FBRSL1: variants seen among roughly 807,000 people sequenced by gnomAD.
FBRSL1 encodes the protein fibrosin like 1.
In FBRSL1, 51 loss-of-function variants were observed where a neutral mutation model predicts 89.6. That is an observed-to-expected ratio of 0.57 (90% CI 0.45 to 0.72). The LOEUF (loss-of-function observed/expected upper bound fraction) is 0.72, where lower values mean the gene tolerates loss of function less well. Among genes scored for constraint, FBRSL1 ranks in the 30% least tolerant of loss-of-function variants. The pLI, the probability that FBRSL1 is intolerant of heterozygous loss-of-function variation, is 0.00. For missense variants in FBRSL1, 1,618 were observed against 1,451.8 expected, an observed-to-expected ratio of 1.11 and a Z score of -1.86; for synonymous variants, 779 against 681.1, an observed-to-expected ratio of 1.14 and a Z score of -2.24.
In FBRSL1 at chr12:132,572,657, C is replaced by T. The variant is rs998664535; in HGVS notation, c.1530+35C>T. 80 of 1,454,310 alleles carry T rather than the reference C, an allele frequency of 5.5e-5. No individual in the cohort carries two copies. Among genetic ancestry groups the T allele is most frequent in the Non-Finnish European group, 7.0e-5 (74 of 1,064,294 alleles). The allele number at this position is 1,454,310 out of a possible 1,614,324, so 90.1% of individuals were successfully genotyped here. A position where few individuals can be genotyped will look rare whatever the true frequency, so the allele number is the denominator to read the frequency against. On this transcript the variant is annotated intron_variant, in intron 11 of 18. Transcript: ENST00000680143. Reference sequence around the variant, plus strand: ...CCCCTGGCAGGTGGGGCGGGCACAGCGGGTGGGTGGATTTTGGGGGGAGTG... The same window carrying T: ...CCCCTGGCAGGTGGGGCGGGCACAGTGGGTGGGTGGATTTTGGGGGGAGTG...
intron 4 of FBRSL1, among the ~76,000 whole-genome samples, chr12:132,528,680 T>C (rs1444877041): frequency 6.9e-6 from 1 of 145,306 alleles, no homozygotes; most frequent in East Asian, 2.1e-4. Flanking sequence ...GGTGCACGGG[T>C]GTGTTTCAGT....
intron 15 of FBRSL1, among the ~76,000 whole-genome samples, chr12:132,579,960 G>T (rs554454878): frequency 6.6e-6 from 1 of 152,270 alleles, no homozygotes; most frequent in African/African-American, 2.4e-5. Flanking sequence ...GGCAGGCTCC[G>T]TAGCTGTCGG....
intron 9 of FBRSL1, chr12:132,571,595 G>A (rs886263614): frequency 9.3e-7 from 1 of 1,077,890 alleles, no homozygotes; most frequent in Non-Finnish European, 1.2e-6. Flanking sequence ...GGCACACACA[G>A]ACACACGCTC....
chr12:132,578,445 CGGAGTG>C (rs2040527458), intron 15 of FBRSL1, among the ~76,000 whole-genome samples: 1 of 152,014 alleles, frequency 6.6e-6, no homozygotes, highest in Non-Finnish European at 1.5e-5. Context: ...CGTCCTCACA[CGGAGTG>C]GGCTGAGGAG....
intron 5 of FBRSL1, among the ~76,000 whole-genome samples, chr12:132,562,192 A>G (rs146356494): frequency 6.6e-6 from 1 of 152,166 alleles, no homozygotes; most frequent in East Asian, 1.9e-4. Context: ...TGGGAGCCAC[A>G]CTTCTGGGGG....
chr12:132,581,735 C>T lies in FBRSL1; in HGVS notation c.1913-6C>T, dbSNP rs1231849868. 12 of 1,550,154 alleles carry T rather than the reference C, an allele frequency of 7.7e-6. No homozygotes were observed. Among genetic ancestry groups the T allele is most frequent in the Non-Finnish European group, 1.0e-5 (12 of 1,146,810 alleles). ...AGACCTCTGGGTCCCGCGGTTGCCC[C>T]CACAGACCCTTTCAGCAGACCGAGC... On this transcript the variant is annotated splice_region_variant and splice_polypyrimidine_tract_variant and intron_variant, in intron 16 of 18. Transcript: ENST00000680143.
rs1024827232 is a variant in FBRSL1 at position 132,546,825 on chromosome 12, T to C, written c.616-1178T>C. Among the ~76,000 whole-genome samples the C allele has an allele frequency of 1.3e-5, 2 of 152,230 alleles. No individual in the cohort carries two copies. The highest frequency in any genetic ancestry group is 2.4e-5 in the African/African-American group (1 of 41,462). On this transcript the variant is annotated intron_variant, in intron 4 of 18. Coordinates refer to ENST00000680143, the MANE Select transcript of FBRSL1 (RefSeq NM_001367871.1). This position sits in a 1 kb window ranked among gnomAD's most constrained non-coding sequence, Gnocchi z 4.0. ...TGCGCTGGGAGCAGCACGTTCTCGC[T>C]GCAGAGTGTCTGCTAAAGCGCATTT...
At chr12:132,547,885 T>A in intron 4 of FBRSL1, 118 bp from the exon 5 acceptor site, 1 of 1,096,362 alleles carries the variant, frequency 9.1e-7, no homozygotes, top group South Asian at 1.4e-5. Context: ...TACCTCCCTC[T>A]CCTGGCAGCA....
At position 132,576,712 on chromosome 12, in the gene FBRSL1, C is replaced by CCAG. The variant is rs2040405229; in HGVS notation, c.1702-86_1702-84dup. The CCAG allele has an allele frequency of 4.8e-6, 7 of 1,454,658 alleles. No homozygotes were observed. The African/African-American group carries it at 9.9e-5, about 21-fold the overall frequency. The allele number at this position is 1,454,658 out of a possible 1,614,324, so 90.1% of individuals were successfully genotyped here. On this transcript the variant is annotated intron_variant, in intron 14 of 18. Transcript: ENST00000680143. ...CTCCCCTTACTGGACTGGCTCACAC[C>CCAG]CAGTCCCTGTGGCCCCTCAGGCCTG...
intron 2 of FBRSL1, chr12:132,510,229 G>A (rs577536652): frequency 3.0e-5 from 37 of 1,231,850 alleles, no homozygotes; most frequent in South Asian, 1.6e-4. Flanking sequence ...ATTCCCGATC[G>A]CCCTTCACTC....
intron 1 of FBRSL1, 119 bp downstream of exon 1, chr12:132,490,980 G>A (rs1242331939): frequency 1.2e-6 from 1 of 812,454 alleles, no homozygotes; most frequent in Non-Finnish European, 1.5e-6. Context: ...CAGCCCTGAG[G>A]GAAGCCCCGG....
intron 4 of FBRSL1, among the ~76,000 whole-genome samples, chr12:132,532,884 G>T (rs1215884947): frequency 6.6e-6 from 1 of 152,124 alleles, no homozygotes; most frequent in Non-Finnish European, 1.5e-5. Flanking sequence ...ACCCAGCCAG[G>T]TGGGACACTG....
Position 132,584,967 on chromosome 12 carries a change from CAT to C in FBRSL1, c.*1190_*1191del, listed in dbSNP as rs1048885495. Reference sequence around the variant, plus strand: ...TCAGTTTGGGTTTTGCCCTCACCCACATGAGCCCCCCCATGCCCTGCCCCCCT... The same window carrying C: ...TCAGTTTGGGTTTTGCCCTCACCCACGAGCCCCCCCATGCCCTGCCCCCCT... On this transcript the variant is annotated 3_prime_UTR_variant, in exon 19 of 19. Coordinates refer to ENST00000680143, the MANE Select transcript of FBRSL1 (RefSeq NM_001367871.1). 2.0e-5 allele frequency: 3 copies of C among 152,264 alleles called. No homozygotes were observed. The highest frequency in any genetic ancestry group is 7.2e-5 in the African/African-American group (3 of 41,458). 9.4% of individuals were successfully genotyped at this position (152,264 alleles called of 1,614,324 possible).
intron 5 of FBRSL1, among the ~76,000 whole-genome samples, chr12:132,562,338 G>C (rs1020374277): frequency 1.3e-5 from 2 of 152,160 alleles, no homozygotes; most frequent in African/African-American, 4.8e-5. Flanking sequence ...CCGCAAGGCT[G>C]GGGGAGGGAG....
chr12:132,532,595 C>T (rs2036382548), intron 4 of FBRSL1, among the ~76,000 whole-genome samples: 1 of 152,208 alleles, frequency 6.6e-6, no homozygotes, highest in South Asian at 2.1e-4. Context: ...CTTGCCTCCC[C>T]TCCAGCCCAT....
rs898008694 is a variant in FBRSL1 at position 132,490,696 on chromosome 12, C to G, written c.126C>G (p.Pro42=). ...CGGGCGACGAGCCCGAGCCCAGCCC[C>G]GGCAAGGAGAACGCGGGCCTCCGCG... is the stretch of plus-strand genomic sequence containing the variant. ...PSSGDEPEPS[P]GKENAGLRGA... is the part of the protein sequence containing the mutation. The change falls in exon 1 of 19, where the codon CCC becomes CCG. Residue 42 remains proline, a synonymous_variant. Coordinates refer to ENST00000680143, the MANE Select transcript of FBRSL1 (RefSeq NM_001367871.1). 25 of 996,348 alleles carry G rather than the reference C, an allele frequency of 2.5e-5. No homozygotes were observed. The highest frequency in any genetic ancestry group is 1.9e-4 in the African/African-American group (11 of 56,818). The allele number at this position is 996,348 out of a possible 1,614,324, so 61.7% of individuals were successfully genotyped here. A position where few individuals can be genotyped will look rare whatever the true frequency, so the allele number is the denominator to read the frequency against.
At chr12:132,520,823 A>G (rs918731834) in intron 2 of FBRSL1, among the ~76,000 whole-genome samples, 1 of 152,214 alleles carries the variant, frequency 6.6e-6, no homozygotes, top group Admixed American at 6.5e-5. Context: ...TCGGGAGCGA[A>G]GGCAGCGGAG....
At position 132,571,244 on chromosome 12, in the gene FBRSL1, C is replaced by A; in HGVS notation, c.1377+13C>A. On this transcript the variant is annotated intron_variant, in intron 9 of 18. Transcript: ENST00000680143. ...CCGGGAGTGCCAGGTGACTATCCGCCTCGCCCCGCCGGGAGCCCGCGGCCA... is the reference window on the plus strand; with the variant it reads ...CCGGGAGTGCCAGGTGACTATCCGCATCGCCCCGCCGGGAGCCCGCGGCCA... 1 of 1,473,630 alleles carries A rather than the reference C, an allele frequency of 6.8e-7. No individual in the cohort carries two copies. The highest frequency in any genetic ancestry group is 9.1e-7 in the Non-Finnish European group (1 of 1,102,660). The allele number at this position is 1,473,630 out of a possible 1,614,324, so 91.3% of individuals were successfully genotyped here. A position where few individuals can be genotyped will look rare whatever the true frequency, so the allele number is the denominator to read the frequency against.
intron 4 of FBRSL1, among the ~76,000 whole-genome samples, chr12:132,532,060 C>G (rs972844838): frequency 1.3e-5 from 2 of 152,196 alleles, no homozygotes; most frequent in Non-Finnish European, 2.9e-5. Flanking sequence ...TCCACAAGAG[C>G]TTGCTGGGGT....
Sources: allele counts gnomAD v4.1 joint callset (sites outside exome capture counted in the v4.1 genomes callset), GRCh38; gene constraint gnomAD v4.1.1; non-coding constraint Gnocchi (gnomAD v3.1); transcripts MANE v1.5; gene names NCBI Gene and HGNC (gene_info 2026-07-23, HGNC 2026-07-21).